CRIM1: variants seen among roughly 807,000 people sequenced by gnomAD.
The protein encoded by CRIM1 is cysteine-rich motor neuron 1 protein.
Under a neutral mutation model 116.4 loss-of-function variants are expected in CRIM1, and 32 were observed. That is an observed-to-expected ratio of 0.27 (90% CI 0.21 to 0.37). The LOEUF (loss-of-function observed/expected upper bound fraction) is 0.37. Among genes scored for constraint, CRIM1 ranks in the 10% least tolerant of loss-of-function variants. CRIM1 has a pLI of 1.00. For synonymous variants in CRIM1, 590 were observed against 509.2 expected (o/e 1.16, Z -2.13); for missense variants, 1,331 against 1,354.8 (o/e 0.98, Z 0.28).
chr2:36,368,641 T>A (rs184041290), intron 1 of CRIM1, among the ~76,000 whole-genome samples: 50 of 152,354 alleles, frequency 3.3e-4, no homozygotes, highest in Non-Finnish European at 5.9e-4. Flanking sequence ...ATTGGGCATT[T>A]ATTCATTAAT....
intron 7 of CRIM1, among the ~76,000 whole-genome samples, chr2:36,482,261 A>T (rs1056106052): frequency 6.6e-6 from 1 of 152,222 alleles, no homozygotes; most frequent in East Asian, 1.9e-4. Context: ...TTAGTTGAGT[A>T]GTGAGTTTCA....
At chr2:36,408,035 G>C (rs1672942488) in intron 2 of CRIM1, among the ~76,000 whole-genome samples, 1 of 152,028 alleles carries the variant, frequency 6.6e-6, no homozygotes, top group African/African-American at 2.4e-5. Flanking sequence ...CCTAATCCCA[G>C]GTTGGTTAAA....
Position 36,524,828 on chromosome 2 carries a change from G to A in CRIM1, c.2428+2515G>A, listed in dbSNP as rs1040153565. Among the ~76,000 whole-genome samples the A allele has an allele frequency of 5.3e-5, 8 of 151,172 alleles. No individual in the cohort carries two copies. In the South Asian group the frequency reaches 1.7e-3, roughly 31 times the overall value. ...CTTTCTTTTTATTTTTTATTTTTTT[G>A]CCTTCATACTTTCTATTCCAATTCC... On this transcript the variant is annotated intron_variant, in intron 13 of 16. Transcript: ENST00000280527.
chr2:36,452,539 C>G (rs1340587437), intron 4 of CRIM1, among the ~76,000 whole-genome samples: 1 of 152,132 alleles, frequency 6.6e-6, no homozygotes, highest in Non-Finnish European at 1.5e-5. Context: ...TATTATTGGA[C>G]CTATCCCCAG....
At chr2:36,357,412 G>A (rs1226310433) in intron 1 of CRIM1, among the ~76,000 whole-genome samples, 1 of 152,138 alleles carries the variant, frequency 6.6e-6, no homozygotes, top group East Asian at 1.9e-4. Flanking sequence ...TGACAGCGGG[G>A]ATTGTTCTGC....
Position 36,517,572 on chromosome 2 carries a change from G to C in CRIM1, c.2206+30G>C, listed in dbSNP as rs752797908. 1.8e-5 allele frequency: 29 copies of C among 1,592,370 alleles called. 1 individual carries two copies. The South Asian group carries it at 2.9e-4, about 16-fold the overall frequency. ...GCGACACCATGCCTTGTGGGTGCTT[G>C]GTGGGGAAGGATGCAGCTCTGGGTG... On this transcript the variant is annotated intron_variant, in intron 12 of 16. Coordinates refer to ENST00000280527, the MANE Select transcript of CRIM1 (RefSeq NM_016441.3).
intron 4 of CRIM1, among the ~76,000 whole-genome samples, chr2:36,458,604 G>A (rs935232477): frequency 3.3e-5 from 5 of 152,052 alleles, no homozygotes; most frequent in Admixed American, 6.6e-5. Flanking sequence ...AAAACAAAAC[G>A]TCACCAGTGC....
At chr2:36,403,647 G>A (rs1233147797) in intron 2 of CRIM1, among the ~76,000 whole-genome samples, 1 of 152,134 alleles carries the variant, frequency 6.6e-6, no homozygotes, top group African/African-American at 2.4e-5. Flanking sequence ...GACTTTCGGG[G>A]ATGAAGAAAG....
intron 1 of CRIM1, among the ~76,000 whole-genome samples, chr2:36,388,145 G>A (rs1572618361): frequency 3.9e-5 from 6 of 152,188 alleles, no homozygotes; most frequent in South Asian, 4.1e-4. Flanking sequence ...ATATACAGAA[G>A]TAGAGACAGT....
At chr2:36,394,351 G>C (rs1014389470) in intron 1 of CRIM1, among the ~76,000 whole-genome samples, 1 of 152,114 alleles carries the variant, frequency 6.6e-6, no homozygotes, top group African/African-American at 2.4e-5. Flanking sequence ...AAATCTGACT[G>C]AACTGTAGTA....
chr2:36,387,236 G>A (rs566559012), intron 1 of CRIM1, among the ~76,000 whole-genome samples: 84 of 152,298 alleles, frequency 5.5e-4, no homozygotes, highest in African/African-American at 1.8e-3. Flanking sequence ...TAATGACCTG[G>A]CTTAATCCAA....
chr2:36,442,333 C>T (rs1324972809), intron 3 of CRIM1, among the ~76,000 whole-genome samples: 1 of 151,922 alleles, frequency 6.6e-6, no homozygotes, highest in Non-Finnish European at 1.5e-5. Context: ...TCAGAAATGC[C>T]TCTGGCTAAC....
chr2:36,375,218 G>T lies in CRIM1; in HGVS notation c.331+18595G>T, dbSNP rs142498542. 2.0e-3 allele frequency among the ~76,000 whole-genome samples: 297 copies of T among 152,052 alleles called. 1 individual carries two copies. Among genetic ancestry groups the T allele is most frequent in the African/African-American group, 6.3e-3 (260 of 41,452 alleles). On this transcript the variant is annotated intron_variant, in intron 1 of 16. Coordinates refer to ENST00000280527, the MANE Select transcript of CRIM1 (RefSeq NM_016441.3). ...ACCATCTTATAAATTAAAACCAGAG[G>T]GCTAGACGTTATCCAGCAAGGGACC... is the stretch of plus-strand genomic sequence containing the variant.
intron 5 of CRIM1, among the ~76,000 whole-genome samples, chr2:36,476,213 A>G (rs911760438): frequency 3.9e-5 from 6 of 152,000 alleles, no homozygotes; most frequent in African/African-American, 1.2e-4. Context: ...AAGGAGCACA[A>G]GGTTTCAGTT....
At chr2:36,443,616 T>A (rs1676024693) in intron 4 of CRIM1, among the ~76,000 whole-genome samples, 1 of 152,226 alleles carries the variant, frequency 6.6e-6, no homozygotes, top group Admixed American at 6.5e-5. Context: ...CAACCTCTTC[T>A]TCCTCAGTCC....
At chr2:36,421,939 T>C (rs1327038866) in intron 2 of CRIM1, among the ~76,000 whole-genome samples, 1 of 152,144 alleles carries the variant, frequency 6.6e-6, no homozygotes, top group Non-Finnish European at 1.5e-5. Context: ...AAAAGGCATA[T>C]GGAGTCATAC....
intron 4 of CRIM1, among the ~76,000 whole-genome samples, chr2:36,453,801 C>T (rs1676919309): frequency 1.3e-5 from 2 of 152,168 alleles, no homozygotes. Flanking sequence ...ATGCTAATTC[C>T]TATTTGGAGA....
At chr2:36,431,541 C>T (rs1317534362) in intron 2 of CRIM1, among the ~76,000 whole-genome samples, 2 of 152,178 alleles carry the variant, frequency 1.3e-5, no homozygotes, top group South Asian at 2.1e-4. Context: ...GACAATATTA[C>T]GATAATACCC....
chr2:36,531,525 T>G (rs538486268), intron 13 of CRIM1, among the ~76,000 whole-genome samples: 2 of 151,858 alleles, frequency 1.3e-5, no homozygotes, highest in African/African-American at 4.8e-5. Context: ...AGGAAGAAAA[T>G]AACACAGTTC....
Sources: gnomAD v4.1 joint callset for allele counts (sites outside exome capture counted in the v4.1 genomes callset) on GRCh38, gnomAD v4.1.1 for gene constraint, MANE v1.5 for transcripts, NCBI Gene and HGNC (gene_info 2026-07-23, HGNC 2026-07-21) for gene names.